SCP2: variants seen among roughly 807,000 people sequenced by gnomAD.
SCP2 encodes the protein SCP-2/3-oxoacyl-CoA thiolase.
A neutral mutation model predicts 71.4 loss-of-function variants in SCP2; 48 were observed. The observed-to-expected ratio is 0.67, with a 90% CI of 0.53 to 0.86. The LOEUF is 0.86. SCP2 is among the 40% of genes least tolerant of loss of function. The pLI is 0.00. For synonymous variants in SCP2, 220 were observed against 218.1 expected (o/e 1.01, Z -0.08); for missense variants, 560 against 655.6 (o/e 0.85, Z 1.59).
At chr1:52,960,083 G>C (rs1342657820) in intron 5 of SCP2, among the ~76,000 whole-genome samples, 3 of 151,648 alleles carry the variant, frequency 2.0e-5, no homozygotes, top group African/African-American at 7.3e-5. Flanking sequence ...GTAGCGACGG[G>C]GTTTCACCAC....
intron 12 of SCP2, among the ~76,000 whole-genome samples, chr1:53,024,812 T>C (rs1185729178): frequency 6.6e-6 from 1 of 151,996 alleles, no homozygotes; most frequent in African/African-American, 2.4e-5. Flanking sequence ...CCTCAGGTGA[T>C]CCACCTGCCT....
At chr1:53,013,873 T>A (rs1661143033) in intron 11 of SCP2, among the ~76,000 whole-genome samples, 1 of 142,654 alleles carries the variant, frequency 7.0e-6, no homozygotes, top group African/African-American at 2.6e-5. Context: ...TCTGCCCTGA[T>A]AGAACATTCT....
chr1:52,932,370 A>C (rs772149415), intron 1 of SCP2, among the ~76,000 whole-genome samples: 4 of 152,246 alleles, frequency 2.6e-5, no homozygotes, highest in Non-Finnish European at 5.9e-5. Flanking sequence ...CTAGAATTCT[A>C]TTCCCTAATA....
intron 11 of SCP2, chr1:52,996,033 G>T: frequency 7.6e-7 from 1 of 1,308,666 alleles, no homozygotes; most frequent in Admixed American, 2.9e-5. Flanking sequence ...CTAAGGCAGA[G>T]CCCCCATCGC....
At chr1:53,029,822 C>T (rs1157743994) in intron 13 of SCP2, among the ~76,000 whole-genome samples, 1 of 152,134 alleles carries the variant, frequency 6.6e-6, no homozygotes, top group African/African-American at 2.4e-5. Context: ...CCACATGGGG[C>T]TACCTGTTTT....
At chr1:52,995,204 T>A (rs1362144594) in intron 11 of SCP2, 1 of 500,102 alleles carries the variant, frequency 2.0e-6, no homozygotes, top group East Asian at 5.1e-5. Flanking sequence ...GATTGCATCA[T>A]GAACACCCTC....
In SCP2 at chr1:53,018,601, C is replaced by T. The variant is rs185968408; in HGVS notation, c.1235+3558C>T. Reference sequence around the variant, plus strand: ...TACTAAAAATCAAAAATTAGCCAGGCGTGGTAGCACATGCCTGTAGTCCCA... The same window carrying T: ...TACTAAAAATCAAAAATTAGCCAGGTGTGGTAGCACATGCCTGTAGTCCCA... On this transcript the variant is annotated intron_variant, in intron 12 of 15. Coordinates refer to ENST00000371514, the MANE Select transcript of SCP2 (RefSeq NM_002979.5). Among the ~76,000 whole-genome samples the T allele has an allele frequency of 2.3e-3, 357 of 152,024 alleles. 1 individual carries two copies. Among genetic ancestry groups the T allele is most frequent in the Middle Eastern group, 0.017 (5 of 294 alleles).
At chr1:52,979,360 T>C (rs1261314715) in intron 9 of SCP2, among the ~76,000 whole-genome samples, 3 of 151,682 alleles carry the variant, frequency 2.0e-5, no homozygotes, top group Non-Finnish European at 4.4e-5. Context: ...TTTTTTTTTT[T>C]TGTAAAGACA....
At chr1:53,007,777 C>T (rs1305194383) in intron 11 of SCP2, among the ~76,000 whole-genome samples, 1 of 152,038 alleles carries the variant, frequency 6.6e-6, no homozygotes, top group African/African-American at 2.4e-5. Flanking sequence ...TAACTAAGAT[C>T]AGAGCAGAAC....
chr1:52,988,571 T>C (rs1659194616), intron 11 of SCP2, among the ~76,000 whole-genome samples: 1 of 152,078 alleles, frequency 6.6e-6, no homozygotes, highest in South Asian at 2.1e-4. Context: ...TCAATCACTT[T>C]AACTTTTAAT....
intron 5 of SCP2, among the ~76,000 whole-genome samples, chr1:52,955,135 C>T (rs1395056509): frequency 6.6e-6 from 1 of 151,960 alleles, no homozygotes; most frequent in East Asian, 1.9e-4. Flanking sequence ...AATGGCAAGC[C>T]AAGTTTTTTG....
chr1:52,962,906 G>GATATAT (rs145785277), intron 6 of SCP2, among the ~76,000 whole-genome samples: 4 of 149,438 alleles, frequency 2.7e-5, no homozygotes, highest in African/African-American at 9.8e-5. Context: ...CATATAACAT[G>GATATAT]ATATATATAT....
intron 6 of SCP2, among the ~76,000 whole-genome samples, chr1:52,970,983 T>C (rs1396826858): frequency 7.2e-6 from 1 of 138,436 alleles, no homozygotes. Context: ...TTTTTTTTTT[T>C]TTTTTTTTTT....
intron 11 of SCP2, among the ~76,000 whole-genome samples, chr1:52,997,065 G>T (rs1386707883): frequency 6.6e-6 from 1 of 152,202 alleles, no homozygotes; most frequent in African/African-American, 2.4e-5. Context: ...TCACAAAAAT[G>T]TGTACACTGA....
intron 12 of SCP2, among the ~76,000 whole-genome samples, chr1:53,015,284 G>A (rs1302878089): frequency 6.6e-6 from 1 of 152,180 alleles, no homozygotes; most frequent in Non-Finnish European, 1.5e-5. Flanking sequence ...CTAGAAGCCT[G>A]AGCTAGCTGG....
At chr1:52,965,846 A>G (rs560055451) in intron 6 of SCP2, among the ~76,000 whole-genome samples, 2 of 150,066 alleles carry the variant, frequency 1.3e-5, no homozygotes, top group South Asian at 4.2e-4. Flanking sequence ...TGATTTTACC[A>G]TGTTGGCCAG....
rs2150206526 is a variant in SCP2, at chr1:52,999,300, A to T, written c.1081+11164A>T. Reference sequence around the variant, plus strand: ...ACAATGACAGTTATGAGTAGCTTAAACATTTTTTCTCTAGTTACTTGGATA... The same window carrying T: ...ACAATGACAGTTATGAGTAGCTTAATCATTTTTTCTCTAGTTACTTGGATA... On this transcript the variant is annotated intron_variant, in intron 11 of 15. Transcript: ENST00000371514. 2.0e-5 allele frequency among the ~76,000 whole-genome samples: 3 copies of T among 152,342 alleles called. 1 individual carries two copies. In the South Asian group the frequency reaches 6.2e-4, roughly 32 times the overall value.
intron 11 of SCP2, among the ~76,000 whole-genome samples, chr1:53,013,962 C>T (rs1031841299): frequency 7.6e-6 from 1 of 132,356 alleles, no homozygotes; most frequent in Non-Finnish European, 1.6e-5. Flanking sequence ...GTGGCCCGAT[C>T]TCAGCTCACT....
intron 14 of SCP2, among the ~76,000 whole-genome samples, chr1:53,040,203 C>T (rs898622882): frequency 3.3e-5 from 5 of 152,194 alleles, no homozygotes; most frequent in African/African-American, 1.2e-4. Context: ...AAAAACTTGT[C>T]GAATTGTTAC....
Sources: allele counts gnomAD v4.1 joint callset (sites outside exome capture counted in the v4.1 genomes callset), GRCh38; gene constraint gnomAD v4.1.1; transcripts MANE v1.5; gene names NCBI Gene and HGNC (gene_info 2026-07-23, HGNC 2026-07-21).